Variants in MYO3A observed in about 807,000 individuals in gnomAD.
The protein encoded by MYO3A is myosin-IIIa.
Under a neutral mutation model 192.7 loss-of-function variants are expected in MYO3A, and 180 were observed. The ratio of observed to expected loss-of-function variants is 0.93; its 90% confidence interval spans 0.83 to 1.06. The LOEUF (loss-of-function observed/expected upper bound fraction) is 1.06. MYO3A is among the 50% of genes least tolerant of loss of function. The probability of loss-of-function intolerance (pLI) is 0.00; values close to 1 mark genes in which losing one functional copy is unlikely to be tolerated. For synonymous variants in MYO3A, 628 were observed against 645.3 expected (o/e 0.97, Z 0.41); for missense variants, 1,896 against 1,905.0 (o/e 1.00, Z 0.09).
intron 25 of MYO3A, among the ~76,000 whole-genome samples, chr10:26,155,868 G>A (rs1182237100): frequency 6.6e-6 from 1 of 152,098 alleles, no homozygotes; most frequent in Non-Finnish European, 1.5e-5. Context: ...CACTGTTGTT[G>A]GCATCAAACA....
At chr10:25,967,084 TGACTGGACTGTG>T (rs1490434362) in intron 4 of MYO3A, among the ~76,000 whole-genome samples, 4 of 151,910 alleles carry the variant, frequency 2.6e-5, no homozygotes, top group Non-Finnish European at 4.4e-5. Flanking sequence ...AAAGGCAGAG[TGACTGGACTGTG>T]CAGAGAAGAG....
intron 2 of MYO3A, among the ~76,000 whole-genome samples, chr10:25,937,669 C>T (rs111850678): frequency 0.015 from 2,319 of 152,178 alleles, 40 homozygotes; most frequent in Middle Eastern, 0.037. Flanking sequence ...AAATTATAGT[C>T]TTTCTTTTGG....
intron 10 of MYO3A, among the ~76,000 whole-genome samples, chr10:26,062,998 T>C (rs1320625619): frequency 2.0e-5 from 3 of 152,190 alleles, no homozygotes; most frequent in Non-Finnish European, 4.4e-5. Flanking sequence ...TATTGGAAGC[T>C]TGAAAGGTAG....
At chr10:26,039,078 T>C (rs1210163577) in intron 10 of MYO3A, among the ~76,000 whole-genome samples, 1 of 152,074 alleles carries the variant, frequency 6.6e-6, no homozygotes. Context: ...TTCGCTCTTG[T>C]TGCCCAGGCT....
intron 17 of MYO3A, among the ~76,000 whole-genome samples, chr10:26,105,475 T>C (rs1192867599): frequency 6.6e-6 from 1 of 152,168 alleles, no homozygotes; most frequent in African/African-American, 2.4e-5. Context: ...ATCTTTCTAT[T>C]TGTTTGCCAG....
intron 4 of MYO3A, among the ~76,000 whole-genome samples, chr10:25,988,941 T>G (rs1001358191): frequency 3.1e-5 from 4 of 128,590 alleles, no homozygotes; most frequent in Non-Finnish European, 6.8e-5. Context: ...CTAAAACTCT[T>G]TTTTTTTTTT....
chr10:26,192,339 T>G (rs1843182373), intron 31 of MYO3A, among the ~76,000 whole-genome samples: 1 of 152,166 alleles, frequency 6.6e-6, no homozygotes, highest in Non-Finnish European at 1.5e-5. Flanking sequence ...AAGAATAGAT[T>G]AGGCTTTTGA....
Position 26,117,914 on chromosome 10 carries a change from C to G in MYO3A, c.1777-2762C>G, listed in dbSNP as rs188329195. Among the ~76,000 whole-genome samples, 95 of 152,258 alleles carry G rather than the reference C, an allele frequency of 6.2e-4. 4 individuals are homozygous for G. Among genetic ancestry groups the G allele is most frequent in the Admixed American group, 6.0e-3 (92 of 15,296 alleles). On this transcript the variant is annotated intron_variant, in intron 17 of 34. Transcript: ENST00000642920. ...CTGTCTTTAGGTCTTTGAGGAATTG[C>G]CGCACTGTCTTCAACAATGGTTGAA...
chr10:26,208,166 C>T (rs757751431), intron 34 of MYO3A, among the ~76,000 whole-genome samples: 2 of 152,098 alleles, frequency 1.3e-5, no homozygotes, highest in Admixed American at 6.5e-5. Context: ...AAGAGGCTGA[C>T]ATCTGCTTGT....
At chr10:26,068,438 T>C (rs987357763) in intron 11 of MYO3A, among the ~76,000 whole-genome samples, 7 of 152,192 alleles carry the variant, frequency 4.6e-5, no homozygotes, top group African/African-American at 7.2e-5. Flanking sequence ...CCCTTTTCTC[T>C]TTACTTCGTT....
intron 2 of MYO3A, among the ~76,000 whole-genome samples, chr10:25,946,325 A>T (rs531076259): frequency 6.6e-6 from 1 of 152,008 alleles, no homozygotes; most frequent in South Asian, 2.1e-4. Flanking sequence ...ACAAAAATTA[A>T]TTTTTTTTCT....
intron 17 of MYO3A, among the ~76,000 whole-genome samples, chr10:26,111,027 G>C (rs1054799499): frequency 7.9e-5 from 12 of 151,798 alleles, no homozygotes; most frequent in Admixed American, 7.2e-4. Context: ...ACCATGCCCA[G>C]CTAACTTTTT....
chr10:25,961,875 C>T (rs768159467), intron 4 of MYO3A, among the ~76,000 whole-genome samples: 1 of 152,052 alleles, frequency 6.6e-6, no homozygotes, highest in Non-Finnish European at 1.5e-5. Context: ...TAATAAAGTC[C>T]ATTTAAATTA....
intron 4 of MYO3A, among the ~76,000 whole-genome samples, chr10:25,992,178 CT>C (rs566582699): frequency 1.9e-3 from 296 of 152,318 alleles, no homozygotes; most frequent in African/African-American, 6.7e-3. Context: ...TTTGCGTCCT[CT>C]TTTGTTTCAC....
chr10:26,141,875 T>C (rs1840186593), intron 20 of MYO3A, among the ~76,000 whole-genome samples: 1 of 152,216 alleles, frequency 6.6e-6, no homozygotes, highest in African/African-American at 2.4e-5. Context: ...TTTTTCCTGG[T>C]GACACCTTTG....
chr10:26,120,143 A>G (rs1404509279), intron 17 of MYO3A, among the ~76,000 whole-genome samples: 2 of 152,066 alleles, frequency 1.3e-5, no homozygotes, highest in African/African-American at 4.8e-5. Flanking sequence ...CATCCTGGGC[A>G]ACAGTGAGTC....
At chr10:25,972,157 T>G (rs1194276288) in intron 4 of MYO3A, among the ~76,000 whole-genome samples, 1 of 152,204 alleles carries the variant, frequency 6.6e-6, no homozygotes, top group Non-Finnish European at 1.5e-5. Flanking sequence ...TCATTTACCT[T>G]CATTCCTTCT....
chr10:26,174,164 C>T lies in MYO3A; in HGVS notation c.3900C>T (p.Ser1300=). The T allele has an allele frequency of 6.2e-7, 1 of 1,614,118 alleles. No homozygotes were observed. Among genetic ancestry groups the T allele is most frequent in the Non-Finnish European group, 8.5e-7 (1 of 1,180,016 alleles). Residue 1300 remains serine (S), a synonymous_variant, in exon 30 of 35, where the codon AGC becomes AGT. Transcript: ENST00000642920. ...SQRSIYQNAN[S]MEKEKKTSVV... ...GGTCAATTTATCAAAATGCAAACAG[C>T]ATGGAAAAAGAAAAGAAGACATCTG...
intron 31 of MYO3A, among the ~76,000 whole-genome samples, chr10:26,189,388 A>G (rs1314713831): frequency 6.6e-6 from 1 of 152,222 alleles, no homozygotes; most frequent in East Asian, 1.9e-4. Flanking sequence ...ACAGGTTTAA[A>G]ATGGCTTGTG....
Sources: gnomAD v4.1 joint callset for allele counts (sites outside exome capture counted in the v4.1 genomes callset) on GRCh38, gnomAD v4.1.1 for gene constraint, MANE v1.5 for transcripts, NCBI Gene and HGNC (gene_info 2026-07-23, HGNC 2026-07-21) for gene names.